The following SLC38A6 variants were observed in gnomAD, a reference collection of about 807,000 sequenced individuals.
SLC38A6 encodes solute carrier family 38 member 6, also known as N system amino acid transporter NAT-1.
Under a neutral mutation model 65.0 loss-of-function variants are expected in SLC38A6, and 73 were observed. The observed-to-expected ratio is 1.12, with a 90% CI of 0.93 to 1.37. SLC38A6 has a LOEUF of 1.37. Ranked by LOEUF, SLC38A6 falls within the 40% of genes most tolerant of loss-of-function variation. The pLI, the probability that SLC38A6 is intolerant of heterozygous loss-of-function variation, is 0.00. For synonymous variants in SLC38A6, 183 were observed against 178.8 expected (o/e 1.02, Z -0.19); for missense variants, 561 against 531.1 (o/e 1.06, Z -0.55).
Position 60,981,799 on chromosome 14 carries a change from A to G in SLC38A6, c.105+417A>G. 3.8e-6 allele frequency: 4 copies of G among 1,051,146 alleles called. No individual in the cohort carries two copies. The South Asian group carries it at 5.4e-5, about 14-fold the overall frequency. The allele number at this position is 1,051,146 out of a possible 1,614,324, so 65.1% of individuals were successfully genotyped here. A position where few individuals can be genotyped will look rare whatever the true frequency, so the allele number is the denominator to read the frequency against. On this transcript the variant is annotated intron_variant, in intron 1 of 15. Coordinates refer to ENST00000267488, the MANE Select transcript of SLC38A6 (RefSeq NM_153811.3). ...GTCATGGGGGGAGGGAAAATAATAA[A>G]CATTTTAATACAGAAATTCTTAGCG...
At chr14:61,036,117 C>T (rs1306691879) in intron 6 of SLC38A6, among the ~76,000 whole-genome samples, 1 of 151,536 alleles carries the variant, frequency 6.6e-6, no homozygotes, top group African/African-American at 2.4e-5. Flanking sequence ...ATTTTACCAC[C>T]CAGAGATAAT....
At chr14:61,080,078 GCAC>G (rs1170052946) in intron 16 of SLC38A6, among the ~76,000 whole-genome samples, 5 of 152,126 alleles carry the variant, frequency 3.3e-5, no homozygotes, top group Admixed American at 3.3e-4. Context: ...CTGAGATTGG[GCAC>G]CATGAACAAT....
At position 61,037,626 on chromosome 14, in the gene SLC38A6, C is replaced by T; in HGVS notation, c.567C>T (p.Gly189=). Residue 189 remains glycine, a splice_region_variant and synonymous_variant, in exon 8 of 16, where the codon GGC becomes GGT. Transcript: ENST00000267488. ...VFPLALLPKI[G]FLGYTSSLSF... ...TTTTATTTTACTGTTATTTTACAGG[C>T]TTTCTTGGCTACACAAGTAGTTTAT... The T allele has an allele frequency of 1.3e-6, 2 of 1,587,698 alleles. No individual in the cohort carries two copies. Among genetic ancestry groups the T allele is most frequent in the Non-Finnish European group, 1.7e-6 (2 of 1,164,276 alleles).
At chr14:61,041,955 C>G (rs926005886) in intron 8 of SLC38A6, among the ~76,000 whole-genome samples, 1 of 151,258 alleles carries the variant, frequency 6.6e-6, no homozygotes, top group Non-Finnish European at 1.5e-5. Context: ...ACCTCATCCT[C>G]ATCGTTTTTT....
At position 61,045,347 on chromosome 14, in the gene SLC38A6, G is replaced by A; in HGVS notation, c.746G>A (p.Ser249Asn). ...TTGTCTCTTTAAAATTTTTTTCAGA[G>A]TGCTTATGCCTTACCAACCATGGCT... The part of the protein sequence containing the change: ...KPKLFHFSKE[S>N]AYALPTMAFS... The change falls in exon 11 of 16, where the codon AGT (serine) becomes AAT (asparagine). Residue 249 changes from serine to asparagine, a missense_variant and splice_region_variant. Physicochemically the swap from Ser to Asn is conservative, Grantham distance 46. Coordinates refer to ENST00000267488, the MANE Select transcript of SLC38A6 (RefSeq NM_153811.3). 1.2e-6 allele frequency: 2 copies of A among 1,610,014 alleles called. No individual in the cohort carries two copies. The highest frequency in any genetic ancestry group is 1.1e-5 in the South Asian group (1 of 90,300).
chr14:61,054,842 G>A (rs1005339636), downstream of SLC38A6, among the ~76,000 whole-genome samples: 2 of 152,080 alleles, frequency 1.3e-5, 1 homozygote, highest in Admixed American at 1.3e-4. Context: ...CTATTTGGAT[G>A]TCCTTTCTTT....
At chr14:61,047,970 GATAGATACATAC>G (rs1400877272) in intron 12 of SLC38A6, among the ~76,000 whole-genome samples, 21,679 of 140,938 alleles carry the variant, frequency 0.15, 2,736 homozygotes, top group African/African-American at 0.36. Context: ...TAGATAGATA[GATAGATACATAC>G]ATACATACAT....
At chr14:61,070,622 G>T (rs970362737) in intron 15 of SLC38A6, among the ~76,000 whole-genome samples, 1 of 152,108 alleles carries the variant, frequency 6.6e-6, no homozygotes, top group Admixed American at 6.5e-5. Flanking sequence ...TAAATTTTTT[G>T]AAGAATCTCT....
At chr14:61,045,178 A>G (rs1443539372) in intron 10 of SLC38A6, among the ~76,000 whole-genome samples, 168 bp from the exon 11 acceptor site, 1 of 152,218 alleles carries the variant, frequency 6.6e-6, no homozygotes, top group African/African-American at 2.4e-5. Context: ...CTGGATCACA[A>G]GTGTTTTTCT....
chr14:61,045,893 A>C (rs1422789081), intron 11 of SLC38A6, among the ~76,000 whole-genome samples, 174 bp from the exon 12 acceptor site: 1 of 152,140 alleles, frequency 6.6e-6, no homozygotes, highest in African/African-American at 2.4e-5. Flanking sequence ...CTCAAAAAAA[A>C]AAAAAGGAAG....
At chr14:60,998,690 A>C (rs1409113683) in intron 3 of SLC38A6, among the ~76,000 whole-genome samples, 4 of 152,236 alleles carry the variant, frequency 2.6e-5, no homozygotes, top group Admixed American at 6.5e-5. Flanking sequence ...TAGCATGCCC[A>C]CTGGGGCTTC....
At chr14:61,048,797 C>T (rs1390196490) in intron 12 of SLC38A6, among the ~76,000 whole-genome samples, 1 of 152,040 alleles carries the variant, frequency 6.6e-6, no homozygotes, top group Non-Finnish European at 1.5e-5. Context: ...AGGCCAGTGC[C>T]CAAATGTTGC....
intron 3 of SLC38A6, among the ~76,000 whole-genome samples, chr14:61,014,550 A>C (rs1780675012): frequency 6.6e-6 from 1 of 152,062 alleles, no homozygotes; most frequent in African/African-American, 2.4e-5. Context: ...GGTGACGTAC[A>C]GGTGGGGTTT....
At chr14:61,027,459 T>C (rs2040670842) in intron 5 of SLC38A6, among the ~76,000 whole-genome samples, 1 of 152,130 alleles carries the variant, frequency 6.6e-6, no homozygotes, top group Admixed American at 6.6e-5. Flanking sequence ...TGCTTATGAT[T>C]GGTCTGTAAG....
intron 16 of SLC38A6, among the ~76,000 whole-genome samples, chr14:61,080,486 A>G (rs1244299513): frequency 6.6e-6 from 1 of 152,204 alleles, no homozygotes; most frequent in African/African-American, 2.4e-5. Context: ...CTGTACCTGC[A>G]TGCAATAGGT....
In SLC38A6 at chr14:61,065,424, G is replaced by T. The variant is rs1395164715; in HGVS notation, c.1290+13289G>T. ...GAACTTTGTATGTGCCTTCAGATGGGTTATGAGCTAAGCATTGGTCTTCAT... is the reference window on the plus strand; with the variant it reads ...GAACTTTGTATGTGCCTTCAGATGGTTTATGAGCTAAGCATTGGTCTTCAT... On this transcript the variant is annotated intron_variant, in intron 15 of 16. Transcript: ENST00000354886. Among the ~76,000 whole-genome samples, 5 of 152,140 alleles carry T rather than the reference G, an allele frequency of 3.3e-5. No homozygotes were observed. The East Asian group carries it at 9.6e-4, about 29-fold the overall frequency.
chr14:60,993,884 A>T (rs563487604), intron 3 of SLC38A6, among the ~76,000 whole-genome samples: 1 of 152,352 alleles, frequency 6.6e-6, no homozygotes, highest in East Asian at 1.9e-4. Flanking sequence ...CAATAATGAG[A>T]TACCTCTACA....
intron 15 of SLC38A6, among the ~76,000 whole-genome samples, chr14:61,078,243 T>A (rs2043498211): frequency 6.6e-6 from 1 of 152,222 alleles, no homozygotes; most frequent in South Asian, 2.1e-4. Context: ...CACTGCCTTC[T>A]GGGTGAGTGG....
intron 1 of SLC38A6, 137 bp from the exon 2 acceptor site, chr14:60,982,371 G>C (rs1486029547): frequency 1.2e-5 from 13 of 1,072,166 alleles, no homozygotes; most frequent in Non-Finnish European, 1.8e-5. Context: ...AATTAGTGTT[G>C]GTTAAGCAAC....
Sources: allele counts gnomAD v4.1 joint callset (sites outside exome capture counted in the v4.1 genomes callset), GRCh38; gene constraint gnomAD v4.1.1; transcripts MANE v1.5; gene names NCBI Gene and HGNC (gene_info 2026-07-23, HGNC 2026-07-21).